The following SORCS2 variants were observed in gnomAD, a reference collection of about 807,000 sequenced individuals.
The protein encoded by SORCS2 is VPS10 domain-containing receptor SorCS2.
SORCS2 carries 100 observed loss-of-function variants against 141.6 expected under a neutral mutation model. The observed-to-expected ratio is 0.71, with a 90% CI of 0.60 to 0.83. SORCS2 has a LOEUF of 0.83. Among genes scored for constraint, SORCS2 ranks in the 40% least tolerant of loss-of-function variants. The pLI, the probability that SORCS2 is intolerant of heterozygous loss-of-function variation, is 0.00. For synonymous variants in SORCS2, 789 were observed against 676.9 expected (o/e 1.17, Z -2.57); for missense variants, 1,646 against 1,560.2 (o/e 1.05, Z -0.93).
chr4:7,300,757 C>G (rs1291193361), intron 1 of SORCS2, among the ~76,000 whole-genome samples: 1 of 152,216 alleles, frequency 6.6e-6, no homozygotes, highest in African/African-American at 2.4e-5. Context: ...TGACCCTGGT[C>G]CCGCTGGCCT....
chr4:7,664,583 C>G lies in SORCS2; in HGVS notation c.1071+112C>G. ...AAGAGGCAATAAAACGGGTATTTCA[C>G]TCTCAAATGCTACTTCGCAGGTCAC... is the stretch of plus-strand genomic sequence containing the variant. On this transcript the variant is annotated intron_variant, in intron 7 of 26. Transcript: ENST00000507866. This position sits in a 1 kb window ranked among gnomAD's most constrained non-coding sequence, Gnocchi z 4.7. The G allele has an allele frequency of 1.4e-6, 1 of 718,180 alleles. No individual in the cohort carries two copies. Among genetic ancestry groups the G allele is most frequent in the East Asian group, 2.9e-5 (1 of 34,660 alleles). The allele number at this position is 718,180 out of a possible 1,614,324, so 44.5% of individuals were successfully genotyped here. A position where few individuals can be genotyped will look rare whatever the true frequency, so the allele number is the denominator to read the frequency against.
chr4:7,369,201 G>T (rs1048759854), intron 1 of SORCS2, among the ~76,000 whole-genome samples: 7 of 152,108 alleles, frequency 4.6e-5, no homozygotes, highest in African/African-American at 1.4e-4. Flanking sequence ...ATCCCAGCTA[G>T]TCGGGAAGCT....
At chr4:7,652,051 A>G (rs1224767321) in intron 4 of SORCS2, among the ~76,000 whole-genome samples, 1 of 152,174 alleles carries the variant, frequency 6.6e-6, no homozygotes, top group Non-Finnish European at 1.5e-5. Context: ...ACCCATAACC[A>G]GTTTCTCATA....
chr4:7,243,136 C>G (rs1712825556), intron 1 of SORCS2, among the ~76,000 whole-genome samples: 1 of 152,192 alleles, frequency 6.6e-6, no homozygotes, highest in South Asian at 2.1e-4. Context: ...TCCCCCTCCC[C>G]ATCCACGCAC....
chr4:7,306,786 C>T (rs915538144), intron 1 of SORCS2, among the ~76,000 whole-genome samples: 2 of 152,150 alleles, frequency 1.3e-5, no homozygotes, highest in South Asian at 2.1e-4. Flanking sequence ...AGTGTGGCCC[C>T]GTCCCTGGAG....
At chr4:7,646,205 G>A (rs1475643629) in intron 4 of SORCS2, among the ~76,000 whole-genome samples, 2 of 152,350 alleles carry the variant, frequency 1.3e-5, no homozygotes, top group Admixed American at 6.5e-5. Context: ...CTGTGCAGGC[G>A]TGAGCTCCGC....
chr4:7,221,070 G>A (rs554394328), intron 1 of SORCS2, among the ~76,000 whole-genome samples: 20 of 152,102 alleles, frequency 1.3e-4, no homozygotes, highest in Non-Finnish European at 2.6e-4. Flanking sequence ...GCTCAGTGAC[G>A]GCACCCAATT....
rs563537608 is a variant in SORCS2, at chr4:7,675,579, C to A, written c.1162-471C>A. On this transcript the variant is annotated intron_variant, in intron 8 of 26. Transcript: ENST00000507866. ...CATCCAGTGGCTGGAAAGTTTCTGG[C>A]ATGGAGTTGGTACTTCCCAAATGTG... is the stretch of plus-strand genomic sequence containing the variant. Among the ~76,000 whole-genome samples the A allele has an allele frequency of 2.0e-5, 3 of 152,284 alleles. No homozygotes were observed. The South Asian group carries it at 6.2e-4, about 32-fold the overall frequency.
intron 1 of SORCS2, among the ~76,000 whole-genome samples, chr4:7,333,954 C>T (rs1408409040): frequency 6.6e-6 from 1 of 152,020 alleles, no homozygotes; most frequent in East Asian, 1.9e-4. Context: ...CATCTCTGCC[C>T]CTTGGGCCTA....
rs200603534 is a variant in SORCS2 at position 7,731,745 on chromosome 4, A to G, written c.3109-1577A>G. Among the ~76,000 whole-genome samples the G allele has an allele frequency of 1.9e-4, 29 of 152,372 alleles. 1 individual carries two copies. In the East Asian group the frequency reaches 5.2e-3, roughly 27 times the overall value. On this transcript the variant is annotated intron_variant, in intron 23 of 26. Transcript: ENST00000507866. ...ATATCTCCCATAAATATTGTTGGGA[A>G]ACTGAATATCCACATGCAGAAGAAT...
intron 2 of SORCS2, among the ~76,000 whole-genome samples, chr4:7,399,991 T>C (rs1436298327): frequency 6.6e-6 from 1 of 152,000 alleles, no homozygotes; most frequent in African/African-American, 2.4e-5. Flanking sequence ...ACCCAAGACT[T>C]TGCATTTCTA....
intron 2 of SORCS2, chr4:7,432,331 A>G (rs986490874): frequency 6.6e-6 from 1 of 151,674 alleles, no homozygotes; most frequent in South Asian, 2.1e-4. Context: ...GGCCCCTGAG[A>G]TGGGTTTTCT....
intron 11 of SORCS2, among the ~76,000 whole-genome samples, chr4:7,690,639 G>A (rs941937913): frequency 2.6e-5 from 4 of 151,942 alleles, no homozygotes; most frequent in Admixed American, 6.6e-5. Context: ...GATGATAGAC[G>A]GATGATGGGT....
At chr4:7,323,287 C>A (rs1003134629) in intron 1 of SORCS2, among the ~76,000 whole-genome samples, 3 of 152,166 alleles carry the variant, frequency 2.0e-5, no homozygotes, top group African/African-American at 7.2e-5. Context: ...AAAAGGAGAA[C>A]TGGATTGGTT....
chr4:7,389,616 T>C (rs1023797009), intron 1 of SORCS2, among the ~76,000 whole-genome samples: 1 of 152,152 alleles, frequency 6.6e-6, no homozygotes, highest in Non-Finnish European at 1.5e-5. Context: ...GATGGAGGTG[T>C]CTGAGGCTGA....
intron 2 of SORCS2, among the ~76,000 whole-genome samples, chr4:7,416,199 G>C (rs1725654969): frequency 6.6e-6 from 1 of 152,154 alleles, no homozygotes; most frequent in African/African-American, 2.4e-5. Flanking sequence ...AGTAAGTTAG[G>C]CTTGTGGACT....
chr4:7,520,036 G>T (rs1045217678), intron 2 of SORCS2, among the ~76,000 whole-genome samples: 1 of 152,230 alleles, frequency 6.6e-6, no homozygotes, highest in Non-Finnish European at 1.5e-5. Flanking sequence ...GAGGTGCCGG[G>T]TCAGCCTGGA....
intron 2 of SORCS2, among the ~76,000 whole-genome samples, chr4:7,482,935 C>A (rs1730743025): frequency 6.6e-6 from 1 of 152,232 alleles, no homozygotes; most frequent in Non-Finnish European, 1.5e-5. Context: ...AGAAAGGGAC[C>A]TTCTTTGGAA....
intron 1 of SORCS2, among the ~76,000 whole-genome samples, chr4:7,389,805 A>T (rs1335398668): frequency 6.6e-6 from 1 of 152,120 alleles, no homozygotes; most frequent in African/African-American, 2.4e-5. Context: ...CTCATGGCCA[A>T]GGGGGTGTGT....
Sources: allele counts gnomAD v4.1 joint callset (sites outside exome capture counted in the v4.1 genomes callset), GRCh38; gene constraint gnomAD v4.1.1; non-coding constraint Gnocchi (gnomAD v3.1); transcripts MANE v1.5; gene names NCBI Gene and HGNC (gene_info 2026-07-23, HGNC 2026-07-21).